CSDE1: variants seen among roughly 807,000 people sequenced by gnomAD.
CSDE1 encodes the protein cold shock domain containing E1.
In CSDE1, 17 loss-of-function variants were observed where a neutral mutation model predicts 89.3. The observed-to-expected ratio is 0.19, with a 90% confidence interval of 0.13 to 0.29. The LOEUF (loss-of-function observed/expected upper bound fraction) is 0.29. CSDE1 is among the 10% of genes least tolerant of loss of function. The pLI is 1.00. For missense variants in CSDE1, 672 were observed against 984.2 expected (o/e 0.68, Z 4.24); for synonymous variants, 322 against 332.8 (o/e 0.97, Z 0.35).
chr1:114,748,419 C>T (rs1054459238), intron 2 of CSDE1: 1 of 152,162 alleles, frequency 6.6e-6, no homozygotes, highest in Admixed American at 6.5e-5. Flanking sequence ...AATCTGGAAA[C>T]TAAAGATTAA....
chr1:114,733,959 G>C, intron 8 of CSDE1, 30 bp downstream of exon 8: 1 of 1,606,034 alleles, frequency 6.2e-7, no homozygotes, highest in Non-Finnish European at 8.5e-7. Context: ...ATCTTAAAAG[G>C]CCAAAGATCA....
rs768762393 is a variant in CSDE1, at chr1:114,725,353, C to T, written c.1641-20G>A. On this transcript the variant is annotated intron_variant, in intron 14 of 19. Transcript: ENST00000358528. ...AACTCACTAAGGAGAAAGGAAATGA[C>T]ATTTAACTAAACATTACCATAAACA... 6.4e-7 allele frequency: 1 copy of T among 1,566,804 alleles called. No homozygotes were observed. Among genetic ancestry groups the T allele is most frequent in the South Asian group, 1.1e-5 (1 of 90,054 alleles).
At chr1:114,743,467 T>C (rs1004583516) in intron 2 of CSDE1, among the ~76,000 whole-genome samples, 5 of 152,190 alleles carry the variant, frequency 3.3e-5, no homozygotes, top group Non-Finnish European at 4.4e-5. Flanking sequence ...CCTCCCAAAG[T>C]GATGGGATTA....
intron 6 of CSDE1, among the ~76,000 whole-genome samples, chr1:114,735,188 G>A (rs191291066): frequency 6.6e-6 from 1 of 152,180 alleles, no homozygotes; most frequent in Non-Finnish European, 1.5e-5. Flanking sequence ...TTGTGTAGCA[G>A]CGATGTAAAT....
intron 1 of CSDE1, among the ~76,000 whole-genome samples, chr1:114,754,298 C>T (rs1428573424): frequency 6.6e-6 from 1 of 152,238 alleles, no homozygotes; most frequent in Non-Finnish European, 1.5e-5. Context: ...TGGCCACCAC[C>T]TGTTTTATTT....
intron 2 of CSDE1, among the ~76,000 whole-genome samples, chr1:114,744,773 T>C (rs892709540): frequency 1.3e-5 from 2 of 151,960 alleles, no homozygotes; most frequent in Non-Finnish European, 2.9e-5. Context: ...GGGGGAAAAG[T>C]GTAAATACAC....
At chr1:114,744,727 A>G (rs1660924286) in intron 2 of CSDE1, among the ~76,000 whole-genome samples, 2 of 151,644 alleles carry the variant, frequency 1.3e-5, no homozygotes, top group African/African-American at 4.9e-5. Context: ...CTGATATCTG[A>G]TTATACAAAA....
In CSDE1 at chr1:114,719,745, GA is replaced by G. The variant is rs763087885; in HGVS notation, c.2053-4del. ...ACTTCATAGTTAATGAAGCCAAACT[GA>G]AAAAAAAAAGTAGGTAAAAAAGAGA... is the stretch of plus-strand genomic sequence containing the variant. On this transcript the variant is annotated splice_region_variant and splice_polypyrimidine_tract_variant and intron_variant, in intron 17 of 19. Transcript: ENST00000358528. The G allele has an allele frequency of 4.8e-4, 694 of 1,453,134 alleles. No individual in the cohort carries two copies. Among genetic ancestry groups the G allele is most frequent in the Admixed American group, 2.0e-3 (98 of 48,018 alleles). The allele number at this position is 1,453,134 out of a possible 1,614,324, so 90.0% of individuals were successfully genotyped here. A position where few individuals can be genotyped will look rare whatever the true frequency, so the allele number is the denominator to read the frequency against.
chr1:114,730,133 T>A, intron 12 of CSDE1, 125 bp downstream of exon 12: 1 of 1,103,360 alleles, frequency 9.1e-7, no homozygotes, highest in Non-Finnish European at 1.3e-6. Context: ...TAGTTCACTG[T>A]TAATATGACA....
At position 114,719,623 on chromosome 1, in the gene CSDE1, A is replaced by G; in HGVS notation, c.2172T>C (p.Asn724=). ...AGGCGCTGCACTTGCCAGTGCGCTG[A>G]TTAAGAATCACTGAGAACTCCACCT... ...GDEVEFSVIL[N]QRTGKCSACN... Residue 724 remains asparagine (N), a synonymous_variant, in exon 18 of 20, where the codon AAT becomes AAC. Transcript: ENST00000358528. The G allele has an allele frequency of 6.2e-7, 1 of 1,614,062 alleles. No individual in the cohort carries two copies. Among genetic ancestry groups the G allele is most frequent in the East Asian group, 2.2e-5 (1 of 44,884 alleles).
In CSDE1 at chr1:114,726,381, T is replaced by C; in HGVS notation, c.1470A>G (p.Glu490=). 6.2e-7 allele frequency: 1 copy of C among 1,604,614 alleles called. No individual in the cohort carries two copies. Among genetic ancestry groups the C allele is most frequent in the South Asian group, 1.1e-5 (1 of 88,892 alleles). ...GCCTCTGTTTGTCACTAATACTAAA[T>C]TCAACCTGTGAAAATTAAGGATGCT... The part of the protein sequence containing the change: ...STSPQIGDKV[E]FSISDKQRPG... Residue 490 remains glutamate, a synonymous_variant, in exon 14 of 20, where the codon GAA becomes GAG. Coordinates refer to ENST00000358528, the MANE Select transcript of CSDE1 (RefSeq NM_001007553.3).
chr1:114,734,569 A>G (rs1557998861), intron 6 of CSDE1, 46 bp from the exon 7 acceptor site: 1 of 1,490,108 alleles, frequency 6.7e-7, no homozygotes, highest in East Asian at 2.3e-5. Context: ...ACAGGGATTA[A>G]AAATGTATTG....
At chr1:114,738,439 T>G (rs1349543706) in intron 3 of CSDE1, among the ~76,000 whole-genome samples, 1 of 152,178 alleles carries the variant, frequency 6.6e-6, no homozygotes, top group Non-Finnish European at 1.5e-5. Flanking sequence ...ATCATAACCT[T>G]TGGCGAGTTT....
intron 1 of CSDE1, among the ~76,000 whole-genome samples, chr1:114,751,321 T>C (rs2101088386): frequency 6.6e-6 from 1 of 152,324 alleles, no homozygotes; most frequent in East Asian, 1.9e-4. Flanking sequence ...CGAAAATTAT[T>C]TCTACAGAGA....
At chr1:114,730,449 T>A (rs1190813255) in intron 11 of CSDE1, 27 bp from the exon 12 acceptor site, 1 of 1,609,950 alleles carries the variant, frequency 6.2e-7, no homozygotes, top group African/African-American at 1.3e-5. Context: ...AAAATTAACT[T>A]TCAATTGAAA....
chr1:114,739,036 CTTT>C (rs946443475), intron 3 of CSDE1, among the ~76,000 whole-genome samples: 7 of 141,912 alleles, frequency 4.9e-5, no homozygotes, highest in Admixed American at 4.2e-4. Context: ...TAAGAGGTGA[CTTT>C]TTTTTTTTTT....
intron 2 of CSDE1, among the ~76,000 whole-genome samples, chr1:114,744,183 T>C (rs1454701177): frequency 6.6e-6 from 1 of 152,226 alleles, no homozygotes; most frequent in Non-Finnish European, 1.5e-5. Context: ...TAAATGTTAC[T>C]TGACTTCTTC....
chr1:114,738,215 T>A, intron 3 of CSDE1, 143 bp from the exon 4 acceptor site: 3 of 646,548 alleles, frequency 4.6e-6, no homozygotes, highest in South Asian at 3.7e-5. Flanking sequence ...AGCATTAACA[T>A]CACCTGGGAG....
At chr1:114,753,387 T>C (rs910863223) in intron 1 of CSDE1, among the ~76,000 whole-genome samples, 6 of 152,204 alleles carry the variant, frequency 3.9e-5, no homozygotes, top group African/African-American at 1.4e-4. Flanking sequence ...CATGAATAAT[T>C]TACTGGCCGA....
Sources: allele counts gnomAD v4.1 joint callset (sites outside exome capture counted in the v4.1 genomes callset), GRCh38; gene constraint gnomAD v4.1.1; transcripts MANE v1.5; gene names NCBI Gene and HGNC (gene_info 2026-07-23, HGNC 2026-07-21).